The following BACH1 variants were observed in gnomAD, a reference collection of about 807,000 sequenced individuals.
BACH1 encodes the protein transcription regulator protein BACH1.
In BACH1, 35 loss-of-function variants were observed where a neutral mutation model predicts 52.9. The observed-to-expected ratio is 0.66, with a 90% CI of 0.51 to 0.88. The LOEUF is 0.88. Among genes scored for constraint, BACH1 ranks in the 40% least tolerant of loss-of-function variants. The pLI is 0.00. For synonymous variants in BACH1, 321 were observed against 319.6 expected, an observed-to-expected ratio of 1.00 and a Z score of -0.05; for missense variants, 808 against 872.6, an observed-to-expected ratio of 0.93 and a Z score of 0.93.
chr21:29,351,619 GGGGTTCTGTTTCA>G (rs1286593636), intron 2 of BACH1: 3 of 534,556 alleles, frequency 5.6e-6, no homozygotes, highest in Non-Finnish European at 1.2e-5. Context: ...TGATATTTGA[GGGGTTCTGTTTCA>G]GGGTTCTGTG....
chr21:29,336,126 AC>A (rs760341129), intron 4 of BACH1, among the ~76,000 whole-genome samples: 75 of 152,140 alleles, frequency 4.9e-4, no homozygotes, highest in Admixed American at 1.4e-3. Flanking sequence ...ATTTGATTAA[AC>A]CTGTTTAGTC....
chr21:29,334,394 G>T (rs375793612), intron 4 of BACH1, among the ~76,000 whole-genome samples: 7 of 152,236 alleles, frequency 4.6e-5, no homozygotes. Flanking sequence ...CACTGCGCTC[G>T]GCCGACTTTT....
chr21:29,328,231 C>T (rs962657491), intron 3 of BACH1, among the ~76,000 whole-genome samples: 3 of 152,086 alleles, frequency 2.0e-5, no homozygotes, highest in Admixed American at 1.3e-4. Flanking sequence ...TGATGAATGT[C>T]TTAATTTAGC....
intron 1 of BACH1, among the ~76,000 whole-genome samples, chr21:29,308,085 A>T (rs2123410438): frequency 6.6e-6 from 1 of 152,316 alleles, no homozygotes; most frequent in South Asian, 2.1e-4. Context: ...AGTTCCTCAG[A>T]TGCTATTTAA....
At chr21:29,329,799 T>C in intron 4 of BACH1, 106 bp downstream of exon 4, 1 of 806,676 alleles carries the variant, frequency 1.2e-6, no homozygotes, top group Non-Finnish European at 1.8e-6. Flanking sequence ...AATTACTTAT[T>C]TTAATATGTA....
intron 1 of BACH1, among the ~76,000 whole-genome samples, chr21:29,302,529 A>G (rs2088614875): frequency 6.6e-6 from 1 of 152,214 alleles, no homozygotes; most frequent in Non-Finnish European, 1.5e-5. Flanking sequence ...AGCCTTGGGC[A>G]AGCTCTTCTA....
At position 29,327,105 on chromosome 21, in the gene BACH1, G is replaced by T. The variant is rs139219595; in HGVS notation, c.1281G>T (p.Gln427His). 1.7e-5 allele frequency: 27 copies of T among 1,614,136 alleles called. No individual in the cohort carries two copies. The highest frequency in any genetic ancestry group is 9.9e-5 in the South Asian group (9 of 91,094). ...SPAVAKDGSE[Q>H]ISQKRSECPW... ...CTGTGGCCAAAGATGGCTCAGAACA[G>T]ATCTCACAGAAACGGTCTGAGTGTC... Residue 427 changes from glutamine (Q) to histidine (H), a missense_variant, in exon 3 of 5, where the codon CAG becomes CAT. Physicochemically the swap from Gln to His is conservative, Grantham distance 24 (BLOSUM62 0). Coordinates refer to ENST00000286800, the MANE Select transcript of BACH1 (RefSeq NM_001186.4).
At chr21:29,348,756 T>C (rs974872782), downstream of BACH1, among the ~76,000 whole-genome samples, 6 of 152,168 alleles carry the variant, frequency 3.9e-5, no homozygotes, top group African/African-American at 1.4e-4. Context: ...AATGCATGTT[T>C]AGGCCTAAGA....
chr21:29,339,877 C>T (rs1375778140), intron 4 of BACH1, among the ~76,000 whole-genome samples: 2 of 152,084 alleles, frequency 1.3e-5, no homozygotes, highest in Non-Finnish European at 1.5e-5. Context: ...CTCACATGAC[C>T]CGCCCACCTC....
At chr21:29,338,006 A>G (rs894504875) in intron 4 of BACH1, among the ~76,000 whole-genome samples, 3 of 152,248 alleles carry the variant, frequency 2.0e-5, no homozygotes, top group Non-Finnish European at 2.9e-5. Flanking sequence ...GCACATGTAT[A>G]CATATGTAAC....
intron 2 of BACH1, among the ~76,000 whole-genome samples, chr21:29,353,547 C>A (rs1007260705): frequency 1.3e-5 from 2 of 152,198 alleles, no homozygotes; most frequent in Non-Finnish European, 2.9e-5. Flanking sequence ...TGAGAAGGAA[C>A]TGGCCAAGAA....
intron 2 of BACH1, among the ~76,000 whole-genome samples, chr21:29,360,062 C>T (rs924509404): frequency 2.0e-5 from 3 of 152,204 alleles, no homozygotes; most frequent in Admixed American, 1.3e-4. Context: ...CCTTTTGTCC[C>T]TTATCTACCT....
At position 29,332,099 on chromosome 21, in the gene BACH1, A is replaced by G. The variant is rs2088990917; in HGVS notation, c.1776+2406A>G. On this transcript the variant is annotated intron_variant, in intron 4 of 4. Coordinates refer to ENST00000286800, the MANE Select transcript of BACH1 (RefSeq NM_001186.4). ...AGGCACGTGCCACCACACCCAACTA[A>G]TTTTTTGTATTTTTAGTGGAGAACA... Among the ~76,000 whole-genome samples the G allele has an allele frequency of 1.3e-5, 2 of 151,782 alleles. 1 individual carries two copies. The highest frequency in any genetic ancestry group is 4.2e-4 in the South Asian group (2 of 4,800).
chr21:29,329,561 C>T lies in BACH1; in HGVS notation c.1644C>T (p.His548=). 2 of 1,604,836 alleles carry T rather than the reference C, an allele frequency of 1.2e-6. No homozygotes were observed. Among genetic ancestry groups the T allele is most frequent in the African/African-American group, 2.7e-5 (2 of 74,574 alleles). ...RNDFQSLLKM[H]KLTPEQLDCI... The stretch of plus-strand genomic sequence containing the variant: ...ATTTTCAGTCCTTGTTGAAAATGCA[C>T]AAGCTTACTCCAGAACAGCTGGATT... The change falls in exon 4 of 5, where the codon CAC becomes CAT. Residue 548 remains histidine (H), a synonymous_variant. Transcript: ENST00000286800.
chr21:29,303,671 T>G (rs2088626066), intron 1 of BACH1, among the ~76,000 whole-genome samples: 1 of 152,222 alleles, frequency 6.6e-6, no homozygotes, highest in Non-Finnish European at 1.5e-5. Flanking sequence ...TTGTGACTTA[T>G]TTTTACCCAT....
chr21:29,321,643 C>A, intron 2 of BACH1, 129 bp downstream of exon 2: 1 of 702,416 alleles, frequency 1.4e-6, no homozygotes, highest in Non-Finnish European at 2.1e-6. Context: ...TCTGTGCAAC[C>A]CCTTTTTTTT....
At chr21:29,331,839 A>G (rs1255094288) in intron 4 of BACH1, among the ~76,000 whole-genome samples, 1 of 152,230 alleles carries the variant, frequency 6.6e-6, no homozygotes, top group African/African-American at 2.4e-5. Context: ...TAACTACTCA[A>G]TAAATACTAT....
intron 1 of BACH1, among the ~76,000 whole-genome samples, chr21:29,305,729 T>C (rs1163598043): frequency 6.6e-6 from 1 of 152,236 alleles, no homozygotes; most frequent in African/African-American, 2.4e-5. Context: ...CCTGCTGCTG[T>C]TCTCCCCCAA....
Position 29,327,287 on chromosome 21 carries a change from A to G in BACH1, c.1463A>G (p.Gln488Arg). 1 of 1,614,238 alleles carries G rather than the reference A, an allele frequency of 6.2e-7. No individual in the cohort carries two copies. The highest frequency in any genetic ancestry group is 8.5e-7 in the Non-Finnish European group (1 of 1,180,044). The change falls in exon 3 of 5, where the codon CAG becomes CGG. Residue 488 changes from glutamine to arginine, a missense_variant. Transcript: ENST00000286800. ...AACGATGATTATGTTTCAGAACCCCAGCAAGAACCTTGCCCATATGCTTGT... is the reference window on the plus strand; with the variant it reads ...AACGATGATTATGTTTCAGAACCCCGGCAAGAACCTTGCCCATATGCTTGT... Reference protein sequence around the residue: ...IGNDDYVSEPQQEPCPYACVI... With the variant: ...IGNDDYVSEPRQEPCPYACVI...
Sources: gnomAD v4.1 joint callset for allele counts (sites outside exome capture counted in the v4.1 genomes callset) on GRCh38, gnomAD v4.1.1 for gene constraint, MANE v1.5 for transcripts, NCBI Gene and HGNC (gene_info 2026-07-23, HGNC 2026-07-21) for gene names.